The following SYPL1 variants were observed in gnomAD, a reference collection of about 807,000 sequenced individuals.
The protein encoded by SYPL1 is synaptophysin like 1.
SYPL1 carries 6 observed loss-of-function variants against 23.7 expected under a neutral mutation model. The observed-to-expected ratio is 0.25, with a 90% CI of 0.14 to 0.50. SYPL1 has a LOEUF of 0.50. Among genes scored for constraint, SYPL1 ranks in the 20% least tolerant of loss-of-function variants. The pLI is 0.98. For missense variants in SYPL1, 253 were observed against 288.9 expected, an observed-to-expected ratio of 0.88 and a Z score of 0.90; for synonymous variants, 102 against 104.5, an observed-to-expected ratio of 0.98 and a Z score of 0.15.
At chr7:106,099,813 T>C (rs1386606405) in intron 1 of SYPL1, among the ~76,000 whole-genome samples, 1 of 152,234 alleles carries the variant, frequency 6.6e-6, no homozygotes, top group Non-Finnish European at 1.5e-5. Context: ...TAGCTGGGAC[T>C]AAGGAGTGTG....
At chr7:106,093,203 G>A in intron 3 of SYPL1, 66 bp from the exon 4 acceptor site, 1 of 1,390,316 alleles carries the variant, frequency 7.2e-7, no homozygotes, top group South Asian at 1.5e-5. Context: ...TCAAATCCAT[G>A]ATGAAGAAAC....
At chr7:106,098,527 C>G (rs763886641) in intron 2 of SYPL1, among the ~76,000 whole-genome samples, 12 of 151,940 alleles carry the variant, frequency 7.9e-5, no homozygotes, top group Non-Finnish European at 1.2e-4. Context: ...ATTACTGGAC[C>G]AAAAAATTGA....
In SYPL1 at chr7:106,104,605, GA is replaced by G. The variant is rs1840496861; in HGVS notation, c.70-5324del. ...CTCACTAAATAACTACTTAATTAAG[GA>G]AAAAATAATTTCCAATAACTTATAA... is the stretch of plus-strand genomic sequence containing the variant. On this transcript the variant is annotated intron_variant, in intron 1 of 4. Transcript: ENST00000455385. This position sits in a 1 kb window ranked among gnomAD's most constrained non-coding sequence, Gnocchi z 4.1. Among the ~76,000 whole-genome samples the G allele has an allele frequency of 6.6e-6, 1 of 151,872 alleles. No homozygotes were observed. The highest frequency in any genetic ancestry group is 6.6e-5 in the Admixed American group (1 of 15,246).
chr7:106,112,100 C>G (rs766547580), intron 1 of SYPL1, 40 bp downstream of exon 1: 7 of 1,401,034 alleles, frequency 5.0e-6, no homozygotes, highest in Middle Eastern at 2.6e-4. Flanking sequence ...GGCGCCGCGC[C>G]GAGCGGCAGG....
intron 1 of SYPL1, among the ~76,000 whole-genome samples, chr7:106,107,742 CA>C (rs10622990): frequency 1.3e-3 from 100 of 79,334 alleles, no homozygotes; most frequent in East Asian, 2.6e-3. Context: ...ACTCCGTCTC[CA>C]AAAAAAAAAA....
At chr7:106,101,074 C>T (rs1043818731) in intron 1 of SYPL1, among the ~76,000 whole-genome samples, 6 of 152,160 alleles carry the variant, frequency 3.9e-5, no homozygotes, top group Non-Finnish European at 8.8e-5. Flanking sequence ...CTTCCTGTTC[C>T]AGTATGACCT....
chr7:106,094,801 C>T (rs1437540908), intron 3 of SYPL1, among the ~76,000 whole-genome samples: 1 of 151,754 alleles, frequency 6.6e-6, no homozygotes, highest in Non-Finnish European at 1.5e-5. Context: ...CGTAGTTATA[C>T]TCTTAAATCC....
rs1840464167 is a variant in SYPL1 at position 106,104,084 on chromosome 7, G to A, written c.70-4802C>T. On this transcript the variant is annotated intron_variant, in intron 1 of 4. Transcript: ENST00000455385. This position sits in a 1 kb window ranked among gnomAD's most constrained non-coding sequence, Gnocchi z 4.1. ...ATGTATTTATGTCTTAAATGTATAT[G>A]CTTCTTCTTCTGGGAATGCCCTGTC... 6.6e-6 allele frequency among the ~76,000 whole-genome samples: 1 copy of A among 152,124 alleles called. No homozygotes were observed. Among genetic ancestry groups the A allele is most frequent in the African/African-American group, 2.4e-5 (1 of 41,414 alleles).
intron 2 of SYPL1, among the ~76,000 whole-genome samples, chr7:106,098,576 G>C (rs1484971449): frequency 6.6e-6 from 1 of 152,146 alleles, no homozygotes; most frequent in African/African-American, 2.4e-5. Context: ...AGTGAAAGAA[G>C]ATTCCCACCC....
chr7:106,102,342 C>A (rs762431287), intron 1 of SYPL1, among the ~76,000 whole-genome samples: 3 of 152,202 alleles, frequency 2.0e-5, no homozygotes, highest in Non-Finnish European at 4.4e-5. Context: ...GTGATCCACC[C>A]GCCTTGGCCT....
chr7:106,112,388 C>A (rs992109832), upstream of SYPL1: 3 of 1,307,932 alleles, frequency 2.3e-6, no homozygotes, highest in Non-Finnish European at 1.9e-6. Flanking sequence ...GAGCTGCTGG[C>A]TGAGACTCTG....
In SYPL1 at chr7:106,112,129, G is replaced by C. The variant is rs1289673468; in HGVS notation, c.69+11C>G. 1.3e-6 allele frequency: 2 copies of C among 1,490,318 alleles called. No homozygotes were observed. Among genetic ancestry groups the C allele is most frequent in the South Asian group, 1.3e-5 (1 of 78,984 alleles). The allele number at this position is 1,490,318 out of a possible 1,614,324, so 92.3% of individuals were successfully genotyped here. The stretch of plus-strand genomic sequence containing the variant: ...CGGCAGGCGGGCCTGGCCGGCGCGG[G>C]CTGCACTCACCCACTCGAGGACCTT... On this transcript the variant is annotated intron_variant, in intron 1 of 4. Coordinates refer to ENST00000455385, the MANE Select transcript of SYPL1 (RefSeq NM_182715.4).
At position 106,091,588 on chromosome 7, in the gene SYPL1, T is replaced by C. The variant is rs532267434; in HGVS notation, c.*217A>G. 4.5e-6 allele frequency: 2 copies of C among 440,802 alleles called. No individual in the cohort carries two copies. The highest frequency in any genetic ancestry group is 7.8e-6 in the Non-Finnish European group (2 of 256,552). 27.3% of individuals were successfully genotyped at this position (440,802 alleles called of 1,614,324 possible). ...TTTAAAAATGTGTATCATTTCATAATAGACCCCTGAACTTTCAAATTTACA... is the reference window on the plus strand; with the variant it reads ...TTTAAAAATGTGTATCATTTCATAACAGACCCCTGAACTTTCAAATTTACA... On this transcript the variant is annotated 3_prime_UTR_variant, in exon 5 of 5. Transcript: ENST00000455385. This position sits in a 1 kb window ranked among gnomAD's most constrained non-coding sequence, Gnocchi z 5.0.
chr7:106,112,179 C>T lies in SYPL1; in HGVS notation c.30G>A (p.Pro10=), dbSNP rs771563611. The change falls in exon 1 of 5, where the codon CCG becomes CCA. Residue 10 remains proline, a synonymous_variant. Coordinates refer to ENST00000455385, the MANE Select transcript of SYPL1 (RefSeq NM_182715.4). ...TGATGAAGCCGAGTGGCTCCTTGAG[C>T]GGGTTGAGGTTGATCTGGAAGCCGG... MSGFQINLN[P]LKEPLGFIKV... is the part of the protein sequence containing the mutation. The T allele has an allele frequency of 1.3e-6, 2 of 1,544,074 alleles. No individual in the cohort carries two copies. The highest frequency in any genetic ancestry group is 8.8e-7 in the Non-Finnish European group (1 of 1,137,694).
chr7:106,101,213 T>C (rs1840293069), intron 1 of SYPL1, among the ~76,000 whole-genome samples: 1 of 152,226 alleles, frequency 6.6e-6, no homozygotes, highest in Non-Finnish European at 1.5e-5. Context: ...TTAATTTGTC[T>C]GTCTTTCCCT....
rs973562885 is a variant in SYPL1 at position 106,092,072 on chromosome 7, A to G, written c.592-133T>C. On this transcript the variant is annotated intron_variant, in intron 4 of 4. Coordinates refer to ENST00000455385, the MANE Select transcript of SYPL1 (RefSeq NM_182715.4). ...ACGCCATTATTTCACTTAAAGTTTAATACTACACACAATGAGAAATAAGGA... is the reference window on the plus strand; with the variant it reads ...ACGCCATTATTTCACTTAAAGTTTAGTACTACACACAATGAGAAATAAGGA... 20 of 813,254 alleles carry G rather than the reference A, an allele frequency of 2.5e-5. 1 individual carries two copies. Among genetic ancestry groups the G allele is most frequent in the African/African-American group, 2.4e-4 (14 of 57,592 alleles). The allele number at this position is 813,254 out of a possible 1,614,324, so 50.4% of individuals were successfully genotyped here.
rs1306336958 is a variant in SYPL1, at chr7:106,091,614, T to C, written c.*191A>G. The C allele has an allele frequency of 3.9e-6, 2 of 515,914 alleles. No individual in the cohort carries two copies. Among genetic ancestry groups the C allele is most frequent in the Non-Finnish European group, 6.4e-6 (2 of 313,696 alleles). 32.0% of individuals were successfully genotyped at this position (515,914 alleles called of 1,614,324 possible). A position where few individuals can be genotyped will look rare whatever the true frequency, so the allele number is the denominator to read the frequency against. On this transcript the variant is annotated 3_prime_UTR_variant, in exon 5 of 5. Coordinates refer to ENST00000455385, the MANE Select transcript of SYPL1 (RefSeq NM_182715.4). The surrounding 1 kb of genome is among the most constrained non-coding windows in gnomAD (Gnocchi z 5.0). ...AGACCCCTGAACTTTCAAATTTACA[T>C]GTGAGAATACATTTACATCTTAACT...
intron 1 of SYPL1, among the ~76,000 whole-genome samples, chr7:106,105,529 A>G (rs965832797): frequency 3.4e-5 from 5 of 149,044 alleles, no homozygotes; most frequent in African/African-American, 2.5e-5. Context: ...GATGACCACC[A>G]TGGCAGATCT....
Position 106,091,913 on chromosome 7 carries a change from G to C in SYPL1, c.618C>G (p.Leu206=). 8 of 1,612,698 alleles carry C rather than the reference G, an allele frequency of 5.0e-6. No homozygotes were observed. The highest frequency in any genetic ancestry group is 1.3e-5 in the African/African-American group (1 of 74,944). Residue 206 remains leucine, a synonymous_variant, in exon 5 of 5, where the codon CTC becomes CTG. Coordinates refer to ENST00000455385, the MANE Select transcript of SYPL1 (RefSeq NM_182715.4). This position sits in a 1 kb window ranked among gnomAD's most constrained non-coding sequence, Gnocchi z 5.0. ...ACACAAACCAAGCATTTCCTCCCCA[G>C]AGTATCATATTTAGAAAGCCAAATA... The part of the protein sequence containing the change: ...SVIFGFLNMI[L]WGGNAWFVYK...
Sources: gnomAD v4.1 joint callset for allele counts (sites outside exome capture counted in the v4.1 genomes callset) on GRCh38, gnomAD v4.1.1 for gene constraint, Gnocchi (gnomAD v3.1) non-coding constraint, MANE v1.5 for transcripts, NCBI Gene and HGNC (gene_info 2026-07-23, HGNC 2026-07-21) for gene names.